MED13L: variants seen among roughly 807,000 people sequenced by gnomAD.
The protein encoded by MED13L is mediator of RNA polymerase II transcription subunit 13-like.
Under a neutral mutation model 220.9 loss-of-function variants are expected in MED13L, and 7 were observed. The observed-to-expected ratio is 0.03, with a 90% CI of 0.02 to 0.06. MED13L has a LOEUF of 0.06. Among genes scored for constraint, MED13L ranks in the 10% least tolerant of loss-of-function variants. MED13L has a pLI of 1.00. For missense variants in MED13L, 1,965 were observed against 2,760.5 expected, an observed-to-expected ratio of 0.71 and a Z score of 6.46; for synonymous variants, 1,011 against 1,015.2, an observed-to-expected ratio of 1.00 and a Z score of 0.08.
rs1258835287 is a variant in MED13L, at chr12:115,966,151, A to G, written c.6318T>C (p.Ala2106=). The G allele has an allele frequency of 2.5e-6, 4 of 1,613,926 alleles. No individual in the cohort carries two copies. Among genetic ancestry groups the G allele is most frequent in the African/African-American group, 2.7e-5 (2 of 74,936 alleles). Residue 2106 remains alanine, a synonymous_variant, in exon 29 of 31, where the codon GCT becomes GCC. Transcript: ENST00000281928. ...ALGYFVSTAK[A]ENLPQWFWSS... The stretch of plus-strand genomic sequence containing the variant: ...ACCAAAACCACTGGGGAAGATTCTC[A>G]GCTTTGGCAGTTGATACAAAATACC...
chr12:116,218,078 A>G (rs1883107137), intron 2 of MED13L, among the ~76,000 whole-genome samples: 1 of 152,212 alleles, frequency 6.6e-6, no homozygotes, highest in Admixed American at 6.5e-5. Flanking sequence ...ATTCGATAAC[A>G]TAAAGAGATT....
At chr12:116,230,283 C>T (rs937670613) in intron 2 of MED13L, 1 of 156,948 alleles carries the variant, frequency 6.4e-6, no homozygotes, top group African/African-American at 2.4e-5. Context: ...ATCTATAGTC[C>T]TAGCTACTCG....
intron 3 of MED13L, among the ~76,000 whole-genome samples, chr12:116,106,448 T>TTC (rs1401303312): frequency 6.6e-6 from 1 of 152,218 alleles, no homozygotes; most frequent in South Asian, 2.1e-4. Flanking sequence ...GAAGACAGGC[T>TTC]TCTGCTCAGT....
At chr12:116,186,847 G>C (rs745524488) in intron 2 of MED13L, among the ~76,000 whole-genome samples, 1 of 152,160 alleles carries the variant, frequency 6.6e-6, no homozygotes, top group African/African-American at 2.4e-5. Flanking sequence ...CATATTTAAT[G>C]TACCACTGTT....
intron 4 of MED13L, chr12:116,082,663 C>A (rs1007595151): frequency 6.6e-6 from 1 of 151,478 alleles, no homozygotes; most frequent in Admixed American, 6.6e-5. Flanking sequence ...ATTCATGAAG[C>A]AATCCACATT....
intron 2 of MED13L, among the ~76,000 whole-genome samples, chr12:116,131,653 G>A (rs1164291376): frequency 1.3e-5 from 2 of 152,160 alleles, no homozygotes; most frequent in East Asian, 3.8e-4. Flanking sequence ...GTTTTTGTGT[G>A]CATGTATCAT....
chr12:116,071,208 C>A (rs895290473), intron 4 of MED13L, among the ~76,000 whole-genome samples: 2 of 151,978 alleles, frequency 1.3e-5, no homozygotes, highest in African/African-American at 4.8e-5. Context: ...AGTTCAATAT[C>A]GGCTTTACAT....
intron 2 of MED13L, among the ~76,000 whole-genome samples, chr12:116,154,627 T>G (rs990048212): frequency 6.6e-6 from 1 of 152,166 alleles, no homozygotes; most frequent in African/African-American, 2.4e-5. Flanking sequence ...TTTGTGGCAG[T>G]AGTGCTTACG....
At chr12:115,967,782 C>G (rs1470305332) in intron 28 of MED13L, among the ~76,000 whole-genome samples, 1 of 152,142 alleles carries the variant, frequency 6.6e-6, no homozygotes, top group Non-Finnish European at 1.5e-5. Flanking sequence ...TCAAATTAAA[C>G]CCAACTTTAA....
intron 1 of MED13L, among the ~76,000 whole-genome samples, chr12:116,275,454 T>C (rs1873739184): frequency 6.6e-6 from 1 of 152,192 alleles, no homozygotes; most frequent in Non-Finnish European, 1.5e-5. Context: ...AATGATACTA[T>C]GTCTTTGTAG....
In MED13L at chr12:116,069,662, G is replaced by A. The variant is rs184471976; in HGVS notation, c.479+27007C>T. Among the ~76,000 whole-genome samples the A allele has an allele frequency of 5.6e-3, 857 of 152,170 alleles. 4 individuals are homozygous for A. Among genetic ancestry groups the A allele is most frequent in the Admixed American group, 0.011 (165 of 15,288 alleles). On this transcript the variant is annotated intron_variant, in intron 4 of 30. Coordinates refer to ENST00000281928, the MANE Select transcript of MED13L (RefSeq NM_015335.5). ...TCCATTGCTTTTCTCTTTAATACAC[G>A]TAGTGCACTCCAAATCCAAAACAGT...
chr12:116,159,812 TA>T (rs1358635392), intron 2 of MED13L, among the ~76,000 whole-genome samples: 1 of 152,228 alleles, frequency 6.6e-6, no homozygotes, highest in Non-Finnish European at 1.5e-5. Context: ...CTTTTTAAAT[TA>T]AATCTTCAAC....
Position 116,003,032 on chromosome 12 carries a change from T to A in MED13L, c.2540A>T (p.Asp847Val). The A allele has an allele frequency of 1.2e-6, 2 of 1,614,118 alleles. No homozygotes were observed. The highest frequency in any genetic ancestry group is 1.1e-5 in the South Asian group (1 of 91,078). Residue 847 changes from aspartate to valine, a missense_variant, in exon 14 of 31, where the codon GAT becomes GTT. This residue lies in a region of MED13L where 818 missense variants were observed against 1,041.2 expected (regional missense o/e 0.79). Coordinates refer to ENST00000281928, the MANE Select transcript of MED13L (RefSeq NM_015335.5). ...TGGATAAGGAACAGCAGCTCTTCCATCCTTCCCAAGAGGTCGGTCTTCTGT... is the reference window on the plus strand; with the variant it reads ...TGGATAAGGAACAGCAGCTCTTCCAACCTTCCCAAGAGGTCGGTCTTCTGT... ...VGTEDRPLGK[D>V]GRAAVPYPPT... is the part of the protein sequence containing the mutation.
rs879117998 is a variant in MED13L, at chr12:115,960,024, C to G, written c.*1242G>C. 2.0e-5 allele frequency: 3 copies of G among 152,550 alleles called. No homozygotes were observed. Among genetic ancestry groups the G allele is most frequent in the Admixed American group, 6.5e-5 (1 of 15,274 alleles). 9.4% of individuals were successfully genotyped at this position (152,550 alleles called of 1,614,324 possible). ...GAAACAGGGTTTCAAAGACAACCCT[C>G]TGGGCCAGGAATGAGGAGTCATAAA... On this transcript the variant is annotated 3_prime_UTR_variant, in exon 31 of 31. Coordinates refer to ENST00000281928, the MANE Select transcript of MED13L (RefSeq NM_015335.5).
chr12:116,175,619 G>A (rs763505334), intron 2 of MED13L, among the ~76,000 whole-genome samples: 8 of 152,158 alleles, frequency 5.3e-5, no homozygotes, highest in Non-Finnish European at 1.0e-4. Flanking sequence ...GCAGATTAGA[G>A]ACAGAAAAGG....
At chr12:116,224,907 G>C (rs1868803355) in intron 2 of MED13L, among the ~76,000 whole-genome samples, 1 of 152,088 alleles carries the variant, frequency 6.6e-6, no homozygotes, top group African/African-American at 2.4e-5. Context: ...TCCAATACCT[G>C]GGCTCAACTG....
rs1220944850 is a variant in MED13L at position 116,069,092 on chromosome 12, C to G, written c.479+27577G>C. Among the ~76,000 whole-genome samples the G allele has an allele frequency of 3.3e-5, 5 of 152,258 alleles. No individual in the cohort carries two copies. The East Asian group carries it at 9.6e-4, about 29-fold the overall frequency. On this transcript the variant is annotated intron_variant, in intron 4 of 30. Coordinates refer to ENST00000281928, the MANE Select transcript of MED13L (RefSeq NM_015335.5). Reference sequence around the variant, plus strand: ...CATTCAATGTGGACATCTTCTCCCCCACAACAGACCATAAAAGCAGTCTAT... The same window carrying G: ...CATTCAATGTGGACATCTTCTCCCCGACAACAGACCATAAAAGCAGTCTAT...
chr12:116,173,189 G>A (rs906126846), intron 2 of MED13L, among the ~76,000 whole-genome samples: 1 of 150,222 alleles, frequency 6.7e-6, no homozygotes, highest in African/African-American at 2.4e-5. Flanking sequence ...AAGACATAAA[G>A]TATAGGTTTA....
intron 2 of MED13L, among the ~76,000 whole-genome samples, chr12:116,169,540 C>T (rs574804140): frequency 1.3e-5 from 2 of 152,122 alleles, no homozygotes; most frequent in Non-Finnish European, 2.9e-5. Flanking sequence ...CAATATATAA[C>T]AATACGTTGT....
Sources: gnomAD v4.1 joint callset for allele counts (sites outside exome capture counted in the v4.1 genomes callset) on GRCh38, gnomAD v4.1.1 for gene constraint, gnomAD v4.1.1 regional missense constraint, MANE v1.5 for transcripts, NCBI Gene and HGNC (gene_info 2026-07-23, HGNC 2026-07-21) for gene names.